DLGAP2: variants seen among roughly 807,000 people sequenced by gnomAD.
The protein encoded by DLGAP2 is disks large-associated protein 2.
Under a neutral mutation model 100.3 loss-of-function variants are expected in DLGAP2, and 26 were observed. The ratio of observed to expected loss-of-function variants is 0.26; its 90% confidence interval spans 0.19 to 0.36. DLGAP2 has a LOEUF of 0.36. Ranked by LOEUF, DLGAP2 falls within the 10% of genes least tolerant of loss-of-function variation. The probability of loss-of-function intolerance (pLI) is 1.00; values close to 1 mark genes in which losing one functional copy is unlikely to be tolerated. For missense variants in DLGAP2, 1,858 were observed against 1,453.2 expected (o/e 1.28, Z -4.53); for synonymous variants, 886 against 630.1 (o/e 1.41, Z -6.08).
At chr8:1,267,766 C>T (rs1234007778) in intron 3 of DLGAP2, among the ~76,000 whole-genome samples, 1 of 151,934 alleles carries the variant, frequency 6.6e-6, no homozygotes, top group African/African-American at 2.4e-5. Context: ...CCTTTTTCTC[C>T]TCTGCAGATG....
intron 2 of DLGAP2, among the ~76,000 whole-genome samples, chr8:1,045,434 A>T (rs1039316742): frequency 1.3e-5 from 2 of 152,242 alleles, no homozygotes; most frequent in East Asian, 3.8e-4. Context: ...AGACGTAAAC[A>T]CTGCGGAGAG....
rs182453335 is a variant in DLGAP2 at position 1,254,383 on chromosome 8, C to T, written c.74-4468C>T. Among the ~76,000 whole-genome samples the T allele has an allele frequency of 1.4e-4, 22 of 152,240 alleles. No homozygotes were observed. In the East Asian group the frequency reaches 4.1e-3, roughly 28 times the overall value. On this transcript the variant is annotated intron_variant, in intron 2 of 14. Coordinates refer to ENST00000637795, the MANE Select transcript of DLGAP2 (RefSeq NM_001346810.2). ...TCCCACAGTTCCTGACATGCATGTT[C>T]ACTCCGTTTTCCTGAGTGTCATGCC...
At chr8:1,595,262 C>G (rs7461409) in intron 6 of DLGAP2, among the ~76,000 whole-genome samples, 44,118 of 151,736 alleles carry the variant, frequency 0.29, 7,028 homozygotes, top group East Asian at 0.5. Flanking sequence ...GTTTTACGGG[C>G]TTTTTTTAAA....
At chr8:1,201,097 T>C (rs1454814862) in intron 2 of DLGAP2, among the ~76,000 whole-genome samples, 1 of 152,114 alleles carries the variant, frequency 6.6e-6, no homozygotes, top group Non-Finnish European at 1.5e-5. Flanking sequence ...CTGGGGAGGC[T>C]GCTCCCCGTC....
chr8:1,480,781 G>C (rs998689632), intron 3 of DLGAP2, among the ~76,000 whole-genome samples: 1 of 151,758 alleles, frequency 6.6e-6, no homozygotes, highest in Admixed American at 6.6e-5. Context: ...CAGGAGAATC[G>C]CTTGAACCCG....
chr8:887,034 T>C (rs972422517), intron 1 of DLGAP2, among the ~76,000 whole-genome samples: 13 of 152,354 alleles, frequency 8.5e-5, no homozygotes, highest in East Asian at 1.9e-4. Flanking sequence ...AGAACTTGTT[T>C]TGTGAATCTG....
chr8:1,425,829 G>A (rs534665029), intron 3 of DLGAP2, among the ~76,000 whole-genome samples: 19 of 152,358 alleles, frequency 1.2e-4, no homozygotes, highest in South Asian at 6.2e-4. Flanking sequence ...GAGAAACAGA[G>A]ACAGCCAGAA....
chr8:1,477,336 G>C (rs1798963550), intron 3 of DLGAP2, among the ~76,000 whole-genome samples: 3 of 152,162 alleles, frequency 2.0e-5, no homozygotes, highest in Non-Finnish European at 4.4e-5. Context: ...CAGGGCTGTG[G>C]AAGGCCAGCT....
intron 3 of DLGAP2, among the ~76,000 whole-genome samples, chr8:1,453,232 C>T (rs1035030143): frequency 3.3e-5 from 5 of 151,920 alleles, no homozygotes; most frequent in South Asian, 2.1e-4. Flanking sequence ...GGAGCTGGGA[C>T]GGAGACGGGA....
intron 3 of DLGAP2, among the ~76,000 whole-genome samples, chr8:1,424,171 C>T (rs76581445): frequency 2.0e-5 from 3 of 152,238 alleles, no homozygotes; most frequent in African/African-American, 7.2e-5. Flanking sequence ...CTATTTCTCT[C>T]TTTCACGCAA....
At chr8:1,209,223 G>T (rs765870429) in intron 2 of DLGAP2, among the ~76,000 whole-genome samples, 1 of 152,092 alleles carries the variant, frequency 6.6e-6, no homozygotes, top group African/African-American at 2.4e-5. Context: ...AACGAATCTG[G>T]AGGCATCACA....
chr8:860,528 C>T (rs924937108), intron 1 of DLGAP2, among the ~76,000 whole-genome samples: 5 of 152,180 alleles, frequency 3.3e-5, no homozygotes, highest in African/African-American at 1.2e-4. Flanking sequence ...TGGACGCCTC[C>T]CGGCAAACCG....
At position 1,448,839 on chromosome 8, in the gene DLGAP2, G is replaced by T. The variant is rs376534820; in HGVS notation, c.107-52527G>T. ...CCCTGATCCGGCCATGGAAAGATTT[G>T]GAGAAAGCCTGGATTCTAATGTTGA... On this transcript the variant is annotated intron_variant, in intron 3 of 14. Coordinates refer to ENST00000637795, the MANE Select transcript of DLGAP2 (RefSeq NM_001346810.2). Among the ~76,000 whole-genome samples the T allele has an allele frequency of 5.9e-5, 9 of 152,300 alleles. No individual in the cohort carries two copies. The East Asian group carries it at 1.7e-3, about 29-fold the overall frequency.
chr8:1,661,096 G>A (rs968456315), intron 8 of DLGAP2, among the ~76,000 whole-genome samples: 24 of 152,322 alleles, frequency 1.6e-4, no homozygotes, highest in African/African-American at 5.8e-4. Context: ...GTTCACAAGT[G>A]TTCAAGCTCT....
intron 3 of DLGAP2, among the ~76,000 whole-genome samples, chr8:1,310,698 C>T (rs1453116183): frequency 6.6e-6 from 1 of 151,940 alleles, no homozygotes; most frequent in African/African-American, 2.4e-5. Flanking sequence ...CACTCTGTCA[C>T]CCAGGCTGGA....
intron 2 of DLGAP2, among the ~76,000 whole-genome samples, chr8:1,191,420 TCAGCC>T: frequency 6.6e-6 from 1 of 152,188 alleles, no homozygotes. Context: ...TCTGCCCGCC[TCAGCC>T]TCCCAAAGTG....
intron 3 of DLGAP2, among the ~76,000 whole-genome samples, chr8:1,277,072 C>A (rs560659434): frequency 1.3e-5 from 2 of 152,250 alleles, no homozygotes; most frequent in African/African-American, 4.8e-5. Context: ...TTTTCTGATA[C>A]AAGTTGTACC....
At chr8:1,357,493 G>A (rs1211396514) in intron 3 of DLGAP2, among the ~76,000 whole-genome samples, 1 of 150,646 alleles carries the variant, frequency 6.6e-6, no homozygotes, top group African/African-American at 2.4e-5. Flanking sequence ...TCCTATTGCT[G>A]GTGAGTGAGA....
intron 2 of DLGAP2, among the ~76,000 whole-genome samples, chr8:976,109 GAAAT>G (rs555674801): frequency 6.8e-4 from 103 of 152,188 alleles, no homozygotes; most frequent in African/African-American, 2.4e-3. Context: ...CAAAAATAAA[GAAAT>G]ACTTAGGTAT....
Sources: allele counts gnomAD v4.1 joint callset (sites outside exome capture counted in the v4.1 genomes callset), GRCh38; gene constraint gnomAD v4.1.1; transcripts MANE v1.5; gene names NCBI Gene and HGNC (gene_info 2026-07-23, HGNC 2026-07-21).